SRD5A2: variants seen among roughly 807,000 people sequenced by gnomAD.
The protein encoded by SRD5A2 is 3-oxo-5-alpha-steroid 4-dehydrogenase 2.
A neutral mutation model predicts 27.4 loss-of-function variants in SRD5A2; 30 were observed. That is an observed-to-expected ratio of 1.10 (90% CI 0.82 to 1.49). SRD5A2 has a LOEUF of 1.49. Among genes scored for constraint, SRD5A2 ranks in the 40% most tolerant of loss-of-function variants. SRD5A2 has a pLI of 0.00. For missense variants in SRD5A2, 348 were observed against 323.4 expected (o/e 1.08, Z -0.58); for synonymous variants, 141 against 133.6 (o/e 1.06, Z -0.38).
chr2:31,568,592 C>T (rs910076091), intron 1 of SRD5A2, among the ~76,000 whole-genome samples: 4 of 152,142 alleles, frequency 2.6e-5, no homozygotes, highest in African/African-American at 9.7e-5. Context: ...TCACTCTGGG[C>T]CACTGACTCC....
upstream of SRD5A2, among the ~76,000 whole-genome samples, chr2:31,583,648 AAACC>A (rs1667125018): frequency 3.4e-5 from 1 of 29,608 alleles, no homozygotes; most frequent in Admixed American, 3.8e-4. Context: ...AGCAAAAAAA[AAACC>A]AAAAAAAAAG....
chr2:31,655,050 A>G, the SRD5A2 span, among the ~76,000 whole-genome samples: 1 of 152,150 alleles, frequency 6.6e-6, no homozygotes, highest in South Asian at 2.1e-4. Context: ...TAAAGTTGAA[A>G]CAGAGAACAA....
intron 1 of SRD5A2, among the ~76,000 whole-genome samples, chr2:31,555,107 C>G (rs111664563): frequency 6.6e-6 from 1 of 151,590 alleles, no homozygotes; most frequent in Non-Finnish European, 1.5e-5. Context: ...CAAAATAACT[C>G]ACTTATTTCC....
At chr2:31,596,147 A>C in the SRD5A2 span, among the ~76,000 whole-genome samples, 2 of 152,184 alleles carry the variant, frequency 1.3e-5, no homozygotes, top group African/African-American at 2.4e-5. Flanking sequence ...TGTGGTGCTC[A>C]CGCCTGTAAT....
intron 1 of SRD5A2, among the ~76,000 whole-genome samples, chr2:31,535,881 A>G (rs2148068378): frequency 6.6e-6 from 1 of 152,370 alleles, no homozygotes; most frequent in South Asian, 2.1e-4. Flanking sequence ...GTGGGAGAGC[A>G]AGGGCTCCGT....
chr2:31,583,652 C>A (rs76149788), upstream of SRD5A2, among the ~76,000 whole-genome samples: 1,080 of 20,634 alleles, frequency 0.052, 50 homozygotes, highest in African/African-American at 0.077. Context: ...AAAAAAAAAC[C>A]AAAAAAAAAG....
At chr2:31,651,332 T>A in the SRD5A2 span, 1 of 177,928 alleles carries the variant, frequency 5.6e-6, no homozygotes. Flanking sequence ...AGACAGACAA[T>A]AAATACAATT....
rs137883148 is a variant in SRD5A2, at chr2:31,554,527, C to G, written c.282-20761G>C. 4.1e-3 allele frequency among the ~76,000 whole-genome samples: 620 copies of G among 152,224 alleles called. 3 individuals carry two copies. The highest frequency in any genetic ancestry group is 8.3e-3 in the South Asian group (40 of 4,816). ...CCAGGGAACACTGCCTCAGGAGAAG[C>G]AGTTAGAGAAGAATCCTAAAACAAA... is the stretch of plus-strand genomic sequence containing the variant. On this transcript the variant is annotated intron_variant, in intron 1 of 4. Transcript: ENST00000622030.
At chr2:31,537,268 C>G (rs1666045828) in intron 1 of SRD5A2, among the ~76,000 whole-genome samples, 1 of 152,008 alleles carries the variant, frequency 6.6e-6, no homozygotes, top group South Asian at 2.1e-4. Flanking sequence ...CTTTCTTGAC[C>G]CTGTAACCTT....
intron 1 of SRD5A2, among the ~76,000 whole-genome samples, chr2:31,580,134 C>T (rs1458989576): frequency 6.6e-6 from 1 of 152,158 alleles, no homozygotes; most frequent in Non-Finnish European, 1.5e-5. Flanking sequence ...GAGTTTCCCT[C>T]GGGAGATGCC....
intron 1 of SRD5A2, among the ~76,000 whole-genome samples, chr2:31,538,791 T>C (rs1666075778): frequency 6.6e-6 from 1 of 152,364 alleles, no homozygotes; most frequent in African/African-American, 2.4e-5. Context: ...ACTTTACTTT[T>C]TCCAGTAGCA....
the SRD5A2 span, among the ~76,000 whole-genome samples, chr2:31,628,712 C>T: frequency 2.6e-5 from 4 of 152,070 alleles, no homozygotes; most frequent in South Asian, 6.2e-4. Context: ...TTTATTACTC[C>T]TTTACTTATG....
chr2:31,593,288 A>T, the SRD5A2 span, among the ~76,000 whole-genome samples: 1 of 152,160 alleles, frequency 6.6e-6, no homozygotes, highest in Non-Finnish European at 1.5e-5. Context: ...ATTTTCAAAA[A>T]AATACAAAAT....
At chr2:31,584,204 G>A (rs866535721), upstream of SRD5A2, among the ~76,000 whole-genome samples, 5 of 152,148 alleles carry the variant, frequency 3.3e-5, 1 homozygote, top group South Asian at 1.0e-3. Context: ...AGCTAGCTGG[G>A]AGATCCCAGA....
At chr2:31,659,568 C>T in the SRD5A2 span, among the ~76,000 whole-genome samples, 3 of 152,186 alleles carry the variant, frequency 2.0e-5, no homozygotes, top group African/African-American at 7.2e-5. Flanking sequence ...ATCAAGACTG[C>T]AATCCCATTC....
At chr2:31,552,074 T>C (rs1666392016) in intron 1 of SRD5A2, among the ~76,000 whole-genome samples, 1 of 151,600 alleles carries the variant, frequency 6.6e-6, no homozygotes, top group Non-Finnish European at 1.5e-5. Flanking sequence ...TTTAAAACTT[T>C]TGCACTTCAG....
the SRD5A2 span, among the ~76,000 whole-genome samples, chr2:31,626,102 T>A: frequency 6.6e-6 from 1 of 152,216 alleles, no homozygotes; most frequent in Non-Finnish European, 1.5e-5. Flanking sequence ...GATTCCTAGG[T>A]ATTTTATTCT....
In SRD5A2 at chr2:31,524,588, T is replaced by G; in HGVS notation, c.*1608A>C. The G allele has an allele frequency of 4.4e-6, 1 of 229,438 alleles. No homozygotes were observed. The highest frequency in any genetic ancestry group is 8.6e-6 in the Non-Finnish European group (1 of 115,658). 14.2% of individuals were successfully genotyped at this position (229,438 alleles called of 1,614,324 possible). ...TTCAAACAAAACTGCTTAACATCCA[T>G]GATTTAAAGGTATTTAATGAACAAC... On this transcript the variant is annotated 3_prime_UTR_variant, in exon 5 of 5. Transcript: ENST00000622030.
Position 31,529,398 on chromosome 2 carries a change from C to T in SRD5A2, c.607G>A (p.Gly203Ser), listed in dbSNP as rs9332961. The T allele has an allele frequency of 4.2e-5, 68 of 1,613,910 alleles. No individual in the cohort carries two copies. In the East Asian group the frequency reaches 4.5e-4, roughly 11 times the overall value. The change falls in exon 4 of 5, where the codon GGC (glycine) becomes AGC (serine). Residue 203 changes from glycine to serine, a missense_variant. By Grantham distance (56) the Gly-to-Ser change is moderately conservative. Coordinates refer to ENST00000622030, the MANE Select transcript of SRD5A2 (RefSeq NM_000348.4). Reference sequence around the variant, plus strand: ...AGGGACCAAGTGGCCAGGGCATAGCCGATCCATTCAATGATCTCACCGAGG... The same window carrying T: ...AGGGACCAAGTGGCCAGGGCATAGCTGATCCATTCAATGATCTCACCGAGG... Reference protein sequence around the residue: ...NFLGEIIEWIGYALATWSLPA... With the variant: ...NFLGEIIEWISYALATWSLPA...
Sources: allele counts gnomAD v4.1 joint callset (sites outside exome capture counted in the v4.1 genomes callset), GRCh38; gene constraint gnomAD v4.1.1; transcripts MANE v1.5; gene names NCBI Gene and HGNC (gene_info 2026-07-23, HGNC 2026-07-21).